Variants in TMEM60 observed in about 807,000 individuals in gnomAD.
The protein encoded by TMEM60 is chromosome 7 open reading frame 35.
A neutral mutation model predicts 10.7 loss-of-function variants in TMEM60; 4 were observed. The ratio of observed to expected loss-of-function variants is 0.37; its 90% CI spans 0.18 to 0.86. The LOEUF (loss-of-function observed/expected upper bound fraction) is 0.86. Ranked by LOEUF, TMEM60 falls within the 40% of genes least tolerant of loss-of-function variation. TMEM60 has a pLI of 0.43. For missense variants in TMEM60, 128 were observed against 153.4 expected (o/e 0.83, Z 0.88); for synonymous variants, 56 against 58.1 (o/e 0.96, Z 0.17).
chr7:77,796,245 A>G (rs187150327), intron 1 of TMEM60, among the ~76,000 whole-genome samples: 2 of 152,270 alleles, frequency 1.3e-5, no homozygotes, highest in Non-Finnish European at 2.9e-5. Context: ...CCTCTTTTCT[A>G]GAATATTTTC....
In TMEM60 at chr7:77,793,930, A is replaced by G; in HGVS notation, c.*42T>C. 6.7e-7 allele frequency: 1 copy of G among 1,499,340 alleles called. No homozygotes were observed. Among genetic ancestry groups the G allele is most frequent in the Non-Finnish European group, 8.9e-7 (1 of 1,126,864 alleles). The allele number at this position is 1,499,340 out of a possible 1,614,324, so 92.9% of individuals were successfully genotyped here. ...ACAGATTCAGAACACTTTAATGGTA[A>G]CTTGTTGAACAGCAATAGAAAGGAG... On this transcript the variant is annotated 3_prime_UTR_variant, in exon 2 of 2. Transcript: ENST00000257663.
chr7:77,797,370 C>A (rs535784422), intron 1 of TMEM60, among the ~76,000 whole-genome samples: 101 of 152,292 alleles, frequency 6.6e-4, no homozygotes, highest in African/African-American at 2.3e-3. Context: ...ATTGTGCCTA[C>A]AAGATTTATA....
At position 77,793,922 on chromosome 7, in the gene TMEM60, T is replaced by C. The variant is rs1450950759; in HGVS notation, c.*50A>G. On this transcript the variant is annotated 3_prime_UTR_variant, in exon 2 of 2. Coordinates refer to ENST00000257663, the MANE Select transcript of TMEM60 (RefSeq NM_032936.4). ...GAAGCTTGACAGATTCAGAACACTT[T>C]AATGGTAACTTGTTGAACAGCAATA... 2.7e-6 allele frequency: 4 copies of C among 1,496,540 alleles called. No individual in the cohort carries two copies. The highest frequency in any genetic ancestry group is 3.6e-6 in the Non-Finnish European group (4 of 1,125,230). 92.7% of individuals were successfully genotyped at this position (1,496,540 alleles called of 1,614,324 possible). A position where few individuals can be genotyped will look rare whatever the true frequency, so the allele number is the denominator to read the frequency against.
chr7:77,798,186 A>T (rs891265102), intron 1 of TMEM60, 68 bp downstream of exon 1: 1 of 152,410 alleles, frequency 6.6e-6, no homozygotes, highest in Admixed American at 6.5e-5. Context: ...TCGGCCGCAC[A>T]GCCCACGGAA....
chr7:77,796,682 G>T (rs1362200683), intron 1 of TMEM60, among the ~76,000 whole-genome samples: 2 of 152,180 alleles, frequency 1.3e-5, no homozygotes, highest in East Asian at 3.8e-4. Flanking sequence ...ATACTTGATG[G>T]AAAGAGAAAA....
chr7:77,794,382 T>C lies in TMEM60; in HGVS notation c.-9A>G, dbSNP rs748847854. On this transcript the variant is annotated 5_prime_UTR_variant, in exon 2 of 2. Coordinates refer to ENST00000257663, the MANE Select transcript of TMEM60 (RefSeq NM_032936.4). ...GCCAAGGACATTCTCATTTAAACAG[T>C]TTAAAGAGGCTGTTGCAGGATCGGA... is the stretch of plus-strand genomic sequence containing the variant. 9 of 1,501,792 alleles carry C rather than the reference T, an allele frequency of 6.0e-6. No individual in the cohort carries two copies. Among genetic ancestry groups the C allele is most frequent in the Non-Finnish European group, 7.1e-6 (8 of 1,128,750 alleles). 93.0% of individuals were successfully genotyped at this position (1,501,792 alleles called of 1,614,324 possible).
chr7:77,794,060 T>A lies in TMEM60; in HGVS notation c.314A>T (p.Asn105Ile), dbSNP rs1373998536. 6.2e-7 allele frequency: 1 copy of A among 1,613,716 alleles called. No individual in the cohort carries two copies. Residue 105 changes from asparagine (N) to isoleucine (I), a missense_variant, in exon 2 of 2, where the codon AAT (asparagine) becomes ATT (isoleucine). Asn to Ile is a moderately radical substitution (Grantham distance 149). Transcript: ENST00000257663. Reference protein sequence around the residue: ...CAKLEQFTTMNLSYVFIPLWA... With the variant: ...CAKLEQFTTMILSYVFIPLWA... Reference sequence around the variant, plus strand: ...TAAAGGAATGAAGACATAGGATAGATTCATGGTAGTAAACTGTTCCAGTTT... The same window carrying A: ...TAAAGGAATGAAGACATAGGATAGAATCATGGTAGTAAACTGTTCCAGTTT...
At position 77,794,428 on chromosome 7, in the gene TMEM60, G is replaced by A; in HGVS notation, c.-50-5C>T. On this transcript the variant is annotated splice_region_variant and splice_polypyrimidine_tract_variant and intron_variant, in intron 1 of 1. Coordinates refer to ENST00000257663, the MANE Select transcript of TMEM60 (RefSeq NM_032936.4). ...TCGGAAAAAAGGAAATATACCCTAA[G>A]AGAAGGAGAAAAAGTCAAGATTGTT... The A allele has an allele frequency of 1.4e-6, 2 of 1,417,162 alleles. No individual in the cohort carries two copies. The highest frequency in any genetic ancestry group is 2.7e-5 in the Admixed American group (1 of 36,868). The allele number at this position is 1,417,162 out of a possible 1,614,324, so 87.8% of individuals were successfully genotyped here. A position where few individuals can be genotyped will look rare whatever the true frequency, so the allele number is the denominator to read the frequency against.
intron 1 of TMEM60, among the ~76,000 whole-genome samples, chr7:77,796,238 C>A (rs992995507): frequency 6.6e-6 from 1 of 152,118 alleles, no homozygotes; most frequent in Non-Finnish European, 1.5e-5. Context: ...ACGCCGGCCT[C>A]TTTTCTAGAA....
At chr7:77,796,432 G>A (rs902355365) in intron 1 of TMEM60, among the ~76,000 whole-genome samples, 1 of 152,000 alleles carries the variant, frequency 6.6e-6, no homozygotes, top group African/African-American at 2.4e-5. Context: ...ATGGCCACTT[G>A]GAAAAAGGAT....
In TMEM60 at chr7:77,794,170, T is replaced by G; in HGVS notation, c.204A>C (p.Arg68=). The G allele has an allele frequency of 6.2e-7, 1 of 1,613,340 alleles. No homozygotes were observed. The highest frequency in any genetic ancestry group is 8.5e-7 in the Non-Finnish European group (1 of 1,179,868). Residue 68 remains arginine (R), a synonymous_variant, in exon 2 of 2, where the codon CGA becomes CGC. Transcript: ENST00000257663. ...TTTTTTTAATATTGTGTGATCCATG[T>G]CGAGGGTCAAAGCCAGACTTACACC... The part of the protein sequence containing the change: ...AGRCKSGFDP[R]HGSHNIKKKA...
Position 77,793,748 on chromosome 7 carries a change from A to T in TMEM60, c.*224T>A. On this transcript the variant is annotated 3_prime_UTR_variant, in exon 2 of 2. Coordinates refer to ENST00000257663, the MANE Select transcript of TMEM60 (RefSeq NM_032936.4). ...AAAAATGAGGTCCAAAACAAACTTT[A>T]TTTACATAGAGATAATAAGGATCTC... The T allele has an allele frequency of 2.2e-6, 1 of 446,894 alleles. No homozygotes were observed. The highest frequency in any genetic ancestry group is 3.8e-6 in the Non-Finnish European group (1 of 260,840). 27.7% of individuals were successfully genotyped at this position (446,894 alleles called of 1,614,324 possible).
rs1243736653 is a variant in TMEM60, at chr7:77,794,292, C to T, written c.82G>A (p.Asp28Asn). Residue 28 changes from aspartate (D) to asparagine (N), a missense_variant, in exon 2 of 2, where the codon GAT (aspartate) becomes AAT (asparagine). By Grantham distance (23) the Asp-to-Asn change is conservative. Coordinates refer to ENST00000257663, the MANE Select transcript of TMEM60 (RefSeq NM_032936.4). ...LFLIMLVLKL[D>N]EKAPWNWFLI... Reference sequence around the variant, plus strand: ...AACCAGTTCCAAGGTGCTTTCTCATCCAGTTTCAACACCAACATGATCAAG... The same window carrying T: ...AACCAGTTCCAAGGTGCTTTCTCATTCAGTTTCAACACCAACATGATCAAG... The T allele has an allele frequency of 6.2e-7, 1 of 1,612,908 alleles. No homozygotes were observed. Among genetic ancestry groups the T allele is most frequent in the Admixed American group, 1.7e-5 (1 of 59,820 alleles).
rs373380056 is a variant in TMEM60 at position 77,794,361 on chromosome 7, A to G, written c.13T>C (p.Leu5=). 2 of 1,571,916 alleles carry G rather than the reference A, an allele frequency of 1.3e-6. No individual in the cohort carries two copies. Among genetic ancestry groups the G allele is most frequent in the Non-Finnish European group, 1.7e-6 (2 of 1,164,388 alleles). Residue 5 remains leucine (L), a synonymous_variant, in exon 2 of 2, where the codon TTG becomes CTG. Coordinates refer to ENST00000257663, the MANE Select transcript of TMEM60 (RefSeq NM_032936.4). ...CAGGTGAGTAGTACTCTCTGAGCCA[A>G]GGACATTCTCATTTAAACAGTTTAA... MRMS[L]AQRVLLTWLF...
Position 77,794,071 on chromosome 7 carries a change from A to G in TMEM60, c.303T>C (p.Phe101=). 6.2e-7 allele frequency: 1 copy of G among 1,614,156 alleles called. No homozygotes were observed. The highest frequency in any genetic ancestry group is 8.5e-7 in the Non-Finnish European group (1 of 1,180,022). ...AGACATAGGATAGATTCATGGTAGTAAACTGTTCCAGTTTAGCACAGAGTG... is the reference window on the plus strand; with the variant it reads ...AGACATAGGATAGATTCATGGTAGTGAACTGTTCCAGTTTAGCACAGAGTG... ...CLALCAKLEQ[F]TTMNLSYVFI... The change falls in exon 2 of 2, where the codon TTT becomes TTC. Residue 101 remains phenylalanine (F), a synonymous_variant. Transcript: ENST00000257663.
intron 1 of TMEM60, among the ~76,000 whole-genome samples, chr7:77,795,466 C>T (rs1792158066): frequency 6.6e-6 from 1 of 151,746 alleles, no homozygotes; most frequent in Non-Finnish European, 1.5e-5. Flanking sequence ...TGCAGTGAGC[C>T]GTTGCACACT....
chr7:77,797,463 T>C (rs1267444866), intron 1 of TMEM60, among the ~76,000 whole-genome samples: 2 of 152,186 alleles, frequency 1.3e-5, no homozygotes, highest in African/African-American at 4.8e-5. Context: ...TAAATGACGA[T>C]TGAAGGATTG....
intron 1 of TMEM60, among the ~76,000 whole-genome samples, chr7:77,797,516 TTTTACA>T (rs1792204181): frequency 6.6e-6 from 1 of 152,172 alleles, no homozygotes; most frequent in Non-Finnish European, 1.5e-5. Flanking sequence ...ACGATCCCAG[TTTTACA>T]TTTACGTCTT....
At chr7:77,797,747 T>C (rs1792214846) in intron 1 of TMEM60, among the ~76,000 whole-genome samples, 1 of 152,210 alleles carries the variant, frequency 6.6e-6, no homozygotes, top group African/African-American at 2.4e-5. Context: ...CCCACCCACA[T>C]AGCCCACGGC....
Sources: allele counts gnomAD v4.1 joint callset (sites outside exome capture counted in the v4.1 genomes callset), GRCh38; gene constraint gnomAD v4.1.1; transcripts MANE v1.5; gene names NCBI Gene and HGNC (gene_info 2026-07-23, HGNC 2026-07-21).